The following ZNF16 variants were observed in gnomAD, a reference collection of about 807,000 sequenced individuals.
ZNF16 encodes zinc finger protein KOX9.
ZNF16 carries 7 observed loss-of-function variants against 9.0 expected under a neutral mutation model. The ratio of observed to expected loss-of-function variants is 0.78; its 90% CI spans 0.44 to 1.47. ZNF16 has a LOEUF of 1.47. ZNF16 is among the 40% of genes most tolerant of loss of function. ZNF16 has a pLI of 0.01. For synonymous variants in ZNF16, 312 were observed against 301.5 expected, an observed-to-expected ratio of 1.03 and a Z score of -0.36; for missense variants, 830 against 854.2, an observed-to-expected ratio of 0.97 and a Z score of 0.35.
chr8:144,946,644 T>TTGGGCCTGTACCCTGCTG (rs1425171582), intron 1 of ZNF16, among the ~76,000 whole-genome samples: 1 of 113,124 alleles, frequency 8.8e-6, no homozygotes, highest in Non-Finnish European at 1.8e-5. Flanking sequence ...TGTCCTGCTG[T>TTGGGCCTGTACCCTGCTG]TGGGCCTGTG....
In ZNF16 at chr8:144,932,632, A is replaced by G. The variant is rs1177865627; in HGVS notation, c.197-42T>C. 16 of 1,576,836 alleles carry G rather than the reference A, an allele frequency of 1.0e-5. No homozygotes were observed. The highest frequency in any genetic ancestry group is 1.3e-5 in the Non-Finnish European group (15 of 1,161,246). ...AATATCACTTGGAAGGCAGTGCTGCAGCAGGAGCAGGAACATAGACAGTCA... is the reference window on the plus strand; with the variant it reads ...AATATCACTTGGAAGGCAGTGCTGCGGCAGGAGCAGGAACATAGACAGTCA... On this transcript the variant is annotated intron_variant, in intron 2 of 2. Transcript: ENST00000394909. The surrounding 1 kb of genome is among the most constrained non-coding windows in gnomAD (Gnocchi z 5.0).
At chr8:144,949,656 G>A (rs1834044893) in intron 1 of ZNF16, among the ~76,000 whole-genome samples, 1 of 152,226 alleles carries the variant, frequency 6.6e-6, no homozygotes, top group African/African-American at 2.4e-5. Flanking sequence ...GGGCTGTGCA[G>A]GATGTGCCTT....
At chr8:144,938,429 C>T (rs1833732640) in intron 2 of ZNF16, among the ~76,000 whole-genome samples, 1 of 152,142 alleles carries the variant, frequency 6.6e-6, no homozygotes, top group African/African-American at 2.4e-5. Flanking sequence ...TCTTTAATTC[C>T]TTTCCACAAT....
rs143678353 is a variant in ZNF16, at chr8:144,930,930, A to G, written c.1857T>C (p.His619=). 2.4e-5 allele frequency: 39 copies of G among 1,612,880 alleles called. No homozygotes were observed. The African/African-American group carries it at 4.5e-4, about 19-fold the overall frequency. ...GFSQSSHLIQ[H]QIIHTGERPY... is the part of the protein sequence containing the mutation. ...GGCGCTCGCCCGTGTGGATTATCTG[A>G]TGCTGAATGAGGTGTGAGCTCTGGC... is the stretch of plus-strand genomic sequence containing the variant. Residue 619 remains histidine (H), a synonymous_variant, in exon 3 of 3, where the codon CAT becomes CAC. Transcript: ENST00000394909.
At chr8:144,935,109 A>G (rs575229854) in intron 2 of ZNF16, among the ~76,000 whole-genome samples, 5 of 152,336 alleles carry the variant, frequency 3.3e-5, no homozygotes, top group East Asian at 1.9e-4. Context: ...ATTAAATTCA[A>G]TGTAATTCTT....
rs201826152 is a variant in ZNF16 at position 144,931,037 on chromosome 8, G to C, written c.1750C>G (p.Arg584Gly). ...ECNQCGKAFNRSSNLIHHQKV... is the reference protein window; with the variant it reads ...ECNQCGKAFNGSSNLIHHQKV... ...TGGTGGTGAATGAGATTTGAGCTTC[G>C]GTTGAAGGCTTTACCACACTGGTTA... is the stretch of plus-strand genomic sequence containing the variant. The change falls in exon 3 of 3, where the codon CGA becomes GGA. Residue 584 changes from arginine (R) to glycine (G), a missense_variant. Coordinates refer to ENST00000394909, the MANE Select transcript of ZNF16 (RefSeq NM_006958.3). The C allele has an allele frequency of 1.2e-6, 2 of 1,614,220 alleles. No individual in the cohort carries two copies. Among genetic ancestry groups the C allele is most frequent in the South Asian group, 2.2e-5 (2 of 91,084 alleles).
chr8:144,947,105 G>C (rs1391581485), intron 1 of ZNF16, among the ~76,000 whole-genome samples: 5 of 134,246 alleles, frequency 3.7e-5, no homozygotes, highest in Non-Finnish European at 7.6e-5. Context: ...CTGTGGGCCT[G>C]TGTCCTGCTG....
intron 1 of ZNF16, among the ~76,000 whole-genome samples, chr8:144,946,980 G>A (rs1444168585): frequency 4.1e-5 from 4 of 97,502 alleles, no homozygotes; most frequent in East Asian, 3.2e-4. Context: ...GTGGGCCTGT[G>A]TCCTGCTGTG....
chr8:144,934,818 G>GT (rs767349028), intron 2 of ZNF16, among the ~76,000 whole-genome samples: 2 of 152,328 alleles, frequency 1.3e-5, no homozygotes, highest in Admixed American at 1.3e-4. Context: ...CATTACGGCT[G>GT]TATGATCTCT....
Position 144,930,609 on chromosome 8 carries a change from TG to T in ZNF16, c.*128del. The T allele has an allele frequency of 2.0e-6, 2 of 1,012,752 alleles. No individual in the cohort carries two copies. Among genetic ancestry groups the T allele is most frequent in the Non-Finnish European group, 2.8e-6 (2 of 704,230 alleles). The allele number at this position is 1,012,752 out of a possible 1,614,324, so 62.7% of individuals were successfully genotyped here. A position where few individuals can be genotyped will look rare whatever the true frequency, so the allele number is the denominator to read the frequency against. On this transcript the variant is annotated 3_prime_UTR_variant, in exon 3 of 3. Coordinates refer to ENST00000394909, the MANE Select transcript of ZNF16 (RefSeq NM_006958.3). ...TTTCAAAGGAGGGTCCCAGGCTATGTGGCCACTGGATGTAGGCAGTGAGCTG... is the reference window on the plus strand; with the variant it reads ...TTTCAAAGGAGGGTCCCAGGCTATGTGCCACTGGATGTAGGCAGTGAGCTG...
rs758904006 is a variant in ZNF16, at chr8:144,930,865, C to T, written c.1922G>A (p.Arg641His). The T allele has an allele frequency of 3.1e-5, 49 of 1,604,948 alleles. No individual in the cohort carries two copies. Among genetic ancestry groups the T allele is most frequent in the East Asian group, 2.0e-4 (9 of 44,854 alleles). Residue 641 changes from arginine (R) to histidine (H), a missense_variant, in exon 3 of 3, where the codon CGT becomes CAT. Arg to His is a conservative substitution (Grantham distance 29, BLOSUM62 0). Transcript: ENST00000394909. The part of the protein sequence containing the change: ...CSECGKAFSQ[R>H]SVLIQHQRIH... ...CCTCTGGTGCTGGATGAGGACCGAACGCTGACTGAAGGCTTTCCCACACTC... is the reference window on the plus strand; with the variant it reads ...CCTCTGGTGCTGGATGAGGACCGAATGCTGACTGAAGGCTTTCCCACACTC...
chr8:144,943,399 T>C (rs1047253510), intron 2 of ZNF16, among the ~76,000 whole-genome samples: 1 of 152,224 alleles, frequency 6.6e-6, no homozygotes, highest in Non-Finnish European at 1.5e-5. Context: ...GGGGATACTC[T>C]CAGCCATTAT....
chr8:144,941,890 C>T (rs1448309740), intron 2 of ZNF16, among the ~76,000 whole-genome samples: 1 of 151,278 alleles, frequency 6.6e-6, no homozygotes, highest in Non-Finnish European at 1.5e-5. Flanking sequence ...AATCTCCTGA[C>T]CTCATGATCT....
At position 144,933,970 on chromosome 8, in the gene ZNF16, A is replaced by C. The variant is rs925283472; in HGVS notation, c.197-1380T>G. Among the ~76,000 whole-genome samples, 1 of 152,206 alleles carries C rather than the reference A, an allele frequency of 6.6e-6. No individual in the cohort carries two copies. The highest frequency in any genetic ancestry group is 2.4e-5 in the African/African-American group (1 of 41,450). ...GACCTCTGGTCTAGCTGTAGTCGGT[A>C]GTGCTGAGTGGGTGTGAAGGATGCC... On this transcript the variant is annotated intron_variant, in intron 2 of 2. Transcript: ENST00000394909. The surrounding 1 kb of genome is among the most constrained non-coding windows in gnomAD (Gnocchi z 5.6).
intron 2 of ZNF16, among the ~76,000 whole-genome samples, chr8:144,938,092 G>A (rs765138746): frequency 1.3e-5 from 2 of 152,224 alleles, no homozygotes; most frequent in Admixed American, 1.3e-4. Context: ...ACATATGTAT[G>A]CGTTTATTTC....
intron 2 of ZNF16, chr8:144,945,740 G>A: frequency 2.3e-6 from 1 of 426,972 alleles, no homozygotes; most frequent in Non-Finnish European, 4.0e-6. Context: ...TTGGGAAGGG[G>A]TCAGGAGTAT....
chr8:144,934,654 C>A (rs932539081), intron 2 of ZNF16, among the ~76,000 whole-genome samples: 4 of 152,222 alleles, frequency 2.6e-5, no homozygotes, highest in African/African-American at 9.6e-5. Flanking sequence ...CCCCCATCCT[C>A]CACCCCTGCC....
At chr8:144,949,017 C>G (rs542421005) in intron 1 of ZNF16, among the ~76,000 whole-genome samples, 1 of 152,260 alleles carries the variant, frequency 6.6e-6, no homozygotes, top group African/African-American at 2.4e-5. Flanking sequence ...ATCACTCAGG[C>G]TGGCAGCCAG....
chr8:144,948,456 CCA>C (rs1290231541), intron 1 of ZNF16: 1 of 152,098 alleles, frequency 6.6e-6, no homozygotes, highest in Non-Finnish European at 1.5e-5. Context: ...GTGCAGATGC[CCA>C]GTTTCCTCGA....
Sources: allele counts gnomAD v4.1 joint callset (sites outside exome capture counted in the v4.1 genomes callset), GRCh38; gene constraint gnomAD v4.1.1; non-coding constraint Gnocchi (gnomAD v3.1); transcripts MANE v1.5; gene names NCBI Gene and HGNC (gene_info 2026-07-23, HGNC 2026-07-21).